The following MAD1L1 variants were observed in gnomAD, a reference collection of about 807,000 sequenced individuals.
MAD1L1 encodes the protein mitotic arrest deficient 1 like 1.
A neutral mutation model predicts 96.9 loss-of-function variants in MAD1L1; 95 were observed. That is an observed-to-expected ratio of 0.98 (90% CI 0.83 to 1.16). MAD1L1 has a LOEUF of 1.16. MAD1L1 is among the 50% of genes most tolerant of loss of function. The probability of loss-of-function intolerance (pLI) is 0.00; values close to 1 mark genes in which losing one functional copy is unlikely to be tolerated. For missense variants in MAD1L1, 1,007 were observed against 954.4 expected (o/e 1.06, Z -0.73); for synonymous variants, 473 against 396.6 (o/e 1.19, Z -2.29).
chr7:1,904,087 T>A (rs1419837410), intron 17 of MAD1L1, among the ~76,000 whole-genome samples: 5 of 57,446 alleles, frequency 8.7e-5, no homozygotes, highest in Non-Finnish European at 1.6e-4. Flanking sequence ...AGTGGCCTAC[T>A]GAAGACGCTC....
At chr7:2,105,721 A>T (rs1787054046) in intron 11 of MAD1L1, among the ~76,000 whole-genome samples, 1 of 151,984 alleles carries the variant, frequency 6.6e-6, no homozygotes, top group South Asian at 2.1e-4. Flanking sequence ...CGCACGGTCC[A>T]GTAAGAGACC....
intron 15 of MAD1L1, among the ~76,000 whole-genome samples, chr7:1,975,319 T>A (rs1183079551): frequency 6.6e-6 from 1 of 152,182 alleles, no homozygotes. Flanking sequence ...GTGACCTCTT[T>A]CCAGCCACAG....
At chr7:1,847,242 G>A (rs1454151427) in intron 18 of MAD1L1, 2 of 470,784 alleles carry the variant, frequency 4.2e-6, no homozygotes, top group Non-Finnish European at 8.8e-6. Flanking sequence ...GTCCTTTTCT[G>A]TTTAGGAAGC....
rs76545745 is a variant in MAD1L1, at chr7:2,077,654, C to T, written c.1074-8316G>A. On this transcript the variant is annotated intron_variant, in intron 11 of 18. Coordinates refer to ENST00000265854, the MANE Select transcript of MAD1L1 (RefSeq NM_001013836.2). ...TAACTGGTGGCCTGGAGCAGGTACA[C>T]GAGACAAAAAGCAGTGCCGTTCTGC... Among the ~76,000 whole-genome samples, 175 of 152,300 alleles carry T rather than the reference C, an allele frequency of 1.1e-3. 5 individuals are homozygous for T. The East Asian group carries it at 0.032, about 28-fold the overall frequency.
intron 15 of MAD1L1, among the ~76,000 whole-genome samples, chr7:1,975,471 G>A (rs1279591688): frequency 2.0e-5 from 3 of 152,148 alleles, no homozygotes; most frequent in African/African-American, 7.2e-5. Context: ...AACTCTCCCT[G>A]GCGGCCTGGG....
At chr7:2,054,013 G>C (rs1784292599) in intron 12 of MAD1L1, among the ~76,000 whole-genome samples, 1 of 152,222 alleles carries the variant, frequency 6.6e-6, no homozygotes, top group Non-Finnish European at 1.5e-5. Flanking sequence ...GGGCGGGAGG[G>C]GTCAGGGCTG....
chr7:2,032,566 G>A (rs1783276244), intron 12 of MAD1L1, among the ~76,000 whole-genome samples: 1 of 152,242 alleles, frequency 6.6e-6, no homozygotes, highest in Admixed American at 6.5e-5. Flanking sequence ...GGGGAGAGCT[G>A]GCCTTGCCTT....
At chr7:1,840,558 C>T (rs575334553) in intron 18 of MAD1L1, among the ~76,000 whole-genome samples, 16 of 152,158 alleles carry the variant, frequency 1.1e-4, no homozygotes, top group Admixed American at 3.3e-4. Flanking sequence ...GGCAAAACCC[C>T]GTCTCTACTA....
chr7:1,914,928 CTCAG>C (rs1194243375), intron 17 of MAD1L1, among the ~76,000 whole-genome samples: 1 of 152,220 alleles, frequency 6.6e-6, no homozygotes, highest in East Asian at 1.9e-4. Context: ...TGTTGAGTAA[CTCAG>C]TCAGTGCTGG....
intron 12 of MAD1L1, among the ~76,000 whole-genome samples, chr7:2,026,233 C>T (rs970863176): frequency 3.3e-5 from 5 of 152,200 alleles, no homozygotes; most frequent in Admixed American, 6.5e-5. Flanking sequence ...TAAAGAATGT[C>T]TCATAATAAC....
At chr7:2,155,336 A>G (rs1789777497) in intron 10 of MAD1L1, among the ~76,000 whole-genome samples, 1 of 152,232 alleles carries the variant, frequency 6.6e-6, no homozygotes, top group Non-Finnish European at 1.5e-5. Context: ...AAAATATACC[A>G]TCTTAACCAT....
At chr7:1,835,230 G>A (rs1782886562) in intron 18 of MAD1L1, among the ~76,000 whole-genome samples, 1 of 152,128 alleles carries the variant, frequency 6.6e-6, no homozygotes, top group Non-Finnish European at 1.5e-5. Flanking sequence ...GCTGAAGATT[G>A]GATGCTTCTC....
chr7:1,949,538 C>CT (rs1223086970), intron 16 of MAD1L1, among the ~76,000 whole-genome samples: 14 of 152,336 alleles, frequency 9.2e-5, no homozygotes, highest in African/African-American at 3.4e-4. Context: ...AGTGCTTCCC[C>CT]TTCCCCAGAG....
chr7:2,184,059 G>A (rs1213243776), intron 10 of MAD1L1, among the ~76,000 whole-genome samples: 1 of 151,898 alleles, frequency 6.6e-6, no homozygotes, highest in Non-Finnish European at 1.5e-5. Flanking sequence ...GACCATCCTG[G>A]CCAACACAGT....
At chr7:2,089,849 C>T (rs1483906610) in intron 11 of MAD1L1, among the ~76,000 whole-genome samples, 1 of 152,198 alleles carries the variant, frequency 6.6e-6, no homozygotes, top group African/African-American at 2.4e-5. Flanking sequence ...TCTCGAAGGC[C>T]AGGCTTAATT....
intron 11 of MAD1L1, among the ~76,000 whole-genome samples, chr7:2,131,963 G>A (rs759207897): frequency 6.6e-6 from 1 of 152,192 alleles, no homozygotes; most frequent in Admixed American, 6.5e-5. Context: ...TAATGGAAAG[G>A]CTGGTGAAAG....
At chr7:2,054,348 C>G (rs188674443) in intron 12 of MAD1L1, among the ~76,000 whole-genome samples, 3 of 152,180 alleles carry the variant, frequency 2.0e-5, no homozygotes, top group African/African-American at 4.8e-5. Context: ...AGGCGGTCCA[C>G]GCTCCCACAA....
chr7:2,183,615 A>G (rs1277009167), intron 10 of MAD1L1, among the ~76,000 whole-genome samples: 1 of 152,198 alleles, frequency 6.6e-6, no homozygotes, highest in Non-Finnish European at 1.5e-5. Context: ...ACATGGATGA[A>G]GCTGGAGACT....
chr7:1,981,329 G>T (rs995534203), intron 14 of MAD1L1, among the ~76,000 whole-genome samples: 1 of 152,180 alleles, frequency 6.6e-6, no homozygotes, highest in Non-Finnish European at 1.5e-5. Context: ...GGCAGCAGAC[G>T]GTGGGGAGGC....
Sources: allele counts gnomAD v4.1 joint callset (sites outside exome capture counted in the v4.1 genomes callset), GRCh38; gene constraint gnomAD v4.1.1; transcripts MANE v1.5; gene names NCBI Gene and HGNC (gene_info 2026-07-23, HGNC 2026-07-21).